The following SMYD4 variants were observed in gnomAD, a reference collection of about 807,000 sequenced individuals.
SMYD4 encodes protein-lysine N-methyltransferase SMYD4.
In SMYD4, 68 loss-of-function variants were observed where a neutral mutation model predicts 72.8. The ratio of observed to expected loss-of-function variants is 0.93; its 90% CI spans 0.77 to 1.14. The LOEUF is 1.14. Ranked by LOEUF, SMYD4 falls within the 50% of genes most tolerant of loss-of-function variation. SMYD4 has a pLI of 0.00. For missense variants in SMYD4, 984 were observed against 1,003.7 expected, an observed-to-expected ratio of 0.98 and a Z score of 0.27; for synonymous variants, 407 against 388.6, an observed-to-expected ratio of 1.05 and a Z score of -0.56.
rs1910347782 is a variant in SMYD4, at chr17:1,811,954, A to C, written c.279+17T>G. Reference sequence around the variant, plus strand: ...AGAAAAATAAATAATAAATTGCTTGAGCTGGGAGTGTTTTACCTTAGAGTA... The same window carrying C: ...AGAAAAATAAATAATAAATTGCTTGCGCTGGGAGTGTTTTACCTTAGAGTA... On this transcript the variant is annotated intron_variant, in intron 3 of 10. Coordinates refer to ENST00000305513, the MANE Select transcript of SMYD4 (RefSeq NM_052928.3). The C allele has an allele frequency of 6.2e-7, 1 of 1,608,280 alleles. No homozygotes were observed. The highest frequency in any genetic ancestry group is 8.5e-7 in the Non-Finnish European group (1 of 1,178,328).
chr17:1,796,051 C>T (rs1909390159), intron 5 of SMYD4, among the ~76,000 whole-genome samples: 3 of 152,070 alleles, frequency 2.0e-5, no homozygotes, highest in African/African-American at 7.2e-5. Flanking sequence ...TGTCTCCAAA[C>T]CACTTTCCAT....
rs760615309 is a variant in SMYD4, at chr17:1,812,078, CT to C, written c.171del (p.Gly58ValfsTer122). 2.9e-5 allele frequency: 46 copies of C among 1,613,878 alleles called. No homozygotes were observed. Among genetic ancestry groups the C allele is most frequent in the Non-Finnish European group, 3.7e-5 (44 of 1,180,016 alleles). On this transcript the variant is annotated frameshift_variant, in exon 3 of 11. Transcript: ENST00000305513. LOFTEE classifies it high-confidence loss of function. ...EDELFLKRLSKGYLVGKDSDA... is the reference protein window; with the variant it reads ...EDELFLKRLSXGYLVGKDSDA... ...TCCGAGTCCTTTCCCACCAAGTAAC[CT>C]TTAGAAAGTCTTTTTAGAAACAGCT...
chr17:1,816,543 C>T (rs112998377), intron 2 of SMYD4, among the ~76,000 whole-genome samples: 6,564 of 151,460 alleles, frequency 0.043, 504 homozygotes, highest in African/African-American at 0.15. Context: ...TCACTTGAAC[C>T]CAGGAGGCGG....
intron 2 of SMYD4, among the ~76,000 whole-genome samples, chr17:1,827,311 C>T (rs1911234394): frequency 6.6e-6 from 1 of 150,412 alleles, no homozygotes; most frequent in Non-Finnish European, 1.5e-5. Flanking sequence ...TGCACTCTAG[C>T]CTGGGTGACA....
At chr17:1,802,892 G>A (rs148658110) in intron 4 of SMYD4, among the ~76,000 whole-genome samples, 3,071 of 152,304 alleles carry the variant, frequency 0.02, 111 homozygotes, top group African/African-American at 0.069. Flanking sequence ...AGTGGCTCAC[G>A]CCTGTAATCC....
chr17:1,799,225 C>A (rs903988563), intron 5 of SMYD4, among the ~76,000 whole-genome samples: 2 of 151,182 alleles, frequency 1.3e-5, no homozygotes, highest in Non-Finnish European at 2.9e-5. Context: ...CGCCACTGCA[C>A]CCCAGCCTGG....
intron 2 of SMYD4, among the ~76,000 whole-genome samples, chr17:1,819,074 CG>C (rs1485687689): frequency 6.6e-6 from 1 of 151,604 alleles, no homozygotes; most frequent in Admixed American, 6.6e-5. Flanking sequence ...ATTAAGAATA[CG>C]GCTGGGTGTG....
In SMYD4 at chr17:1,799,934, A is replaced by C; in HGVS notation, c.1460T>G (p.Ile487Ser). 6.2e-7 allele frequency: 1 copy of C among 1,613,996 alleles called. No individual in the cohort carries two copies. The highest frequency in any genetic ancestry group is 1.3e-5 in the African/African-American group (1 of 75,026). Residue 487 changes from isoleucine (I) to serine (S), a missense_variant, in exon 5 of 11, where the codon ATT becomes AGT. Coordinates refer to ENST00000305513, the MANE Select transcript of SMYD4 (RefSeq NM_052928.3). Reference protein sequence around the residue: ...VTPELCPDVTIWGVAMLRHML... With the variant: ...VTPELCPDVTSWGVAMLRHML... The stretch of plus-strand genomic sequence containing the variant: ...GTGTCTCAGCATCGCCACTCCCCAA[A>C]TAGTCACGTCAGGACACAATTCAGG...
At chr17:1,796,963 C>T (rs1360171308) in intron 5 of SMYD4, among the ~76,000 whole-genome samples, 1 of 152,204 alleles carries the variant, frequency 6.6e-6, no homozygotes, top group African/African-American at 2.4e-5. Flanking sequence ...CAGAGGAAAA[C>T]ACAGGCTAAC....
In SMYD4 at chr17:1,811,498, G is replaced by A. The variant is rs148828660; in HGVS notation, c.279+473C>T. On this transcript the variant is annotated intron_variant, in intron 3 of 10. Transcript: ENST00000305513. The stretch of plus-strand genomic sequence containing the variant: ...GTGCTGGGCCTAAAAACTACCTTTT[G>A]TTTCAGACTATAACCACAGCAGAAT... Among the ~76,000 whole-genome samples the A allele has an allele frequency of 1.1e-4, 16 of 152,312 alleles. No homozygotes were observed. In the East Asian group the frequency reaches 3.1e-3, roughly 29 times the overall value.
At position 1,786,827 on chromosome 17, in the gene SMYD4, A is replaced by T. The variant is rs1186023199; in HGVS notation, c.1867T>A (p.Cys623Ser). The part of the protein sequence containing the change: ...PRWEAFCCNS[C>S]GAPMQGDDVL... ...AGAATTACCTGCATGGGCGCTCCGC[A>T]ACTGTTGCAACAGAATGCTTCCCAC... The change falls in exon 7 of 11, where the codon TGC (cysteine) becomes AGC (serine). Residue 623 changes from cysteine to serine, a missense_variant. Cys to Ser is a moderately radical substitution (Grantham distance 112). Transcript: ENST00000305513. The T allele has an allele frequency of 6.2e-7, 1 of 1,614,188 alleles. No homozygotes were observed. Among genetic ancestry groups the T allele is most frequent in the Non-Finnish European group, 8.5e-7 (1 of 1,180,038 alleles).
At chr17:1,797,650 G>A (rs1909475741) in intron 5 of SMYD4, among the ~76,000 whole-genome samples, 1 of 152,200 alleles carries the variant, frequency 6.6e-6, no homozygotes, top group African/African-American at 2.4e-5. Context: ...AAATTTAGAA[G>A]AATGGGAAAT....
intron 5 of SMYD4, 151 bp downstream of exon 5, chr17:1,799,706 A>T: frequency 1.3e-6 from 1 of 777,490 alleles, no homozygotes; most frequent in Non-Finnish European, 2.0e-6. Flanking sequence ...ATAGCTTCTT[A>T]ATGGCATTGT....
chr17:1,825,715 T>C (rs1040189654), intron 2 of SMYD4, among the ~76,000 whole-genome samples: 2 of 151,950 alleles, frequency 1.3e-5, no homozygotes, highest in African/African-American at 2.4e-5. Context: ...AATCTCACTA[T>C]GTTGCCCAGG....
Position 1,787,301 on chromosome 17 carries a change from T to G in SMYD4, c.1720+121A>C, listed in dbSNP as rs185012117. 2.5e-3 allele frequency: 3,331 copies of G among 1,319,478 alleles called. 60 individuals carry two copies. The Admixed American group carries it at 0.04, about 16-fold the overall frequency. The allele number at this position is 1,319,478 out of a possible 1,614,324, so 81.7% of individuals were successfully genotyped here. On this transcript the variant is annotated intron_variant, in intron 6 of 10. Coordinates refer to ENST00000305513, the MANE Select transcript of SMYD4 (RefSeq NM_052928.3). ...CCTTGTTTTTGGCCTAAGTGTTCAC[T>G]GCCTCTTCCAGGAAGCAGACAGTAG... is the stretch of plus-strand genomic sequence containing the variant.
At chr17:1,804,445 G>A (rs1909931101) in intron 4 of SMYD4, 181 bp downstream of exon 4, 3 of 509,644 alleles carry the variant, frequency 5.9e-6, no homozygotes, top group African/African-American at 5.8e-5. Context: ...CCAAAGTGCT[G>A]AGATTACAGG....
intron 2 of SMYD4, 128 bp from the exon 3 acceptor site, chr17:1,812,243 G>T: frequency 9.3e-7 from 1 of 1,079,324 alleles, no homozygotes; most frequent in Non-Finnish European, 1.3e-6. Flanking sequence ...TATGTACATT[G>T]TGCAATGTGA....
intron 7 of SMYD4, among the ~76,000 whole-genome samples, chr17:1,785,294 C>T (rs908755730): frequency 4.7e-5 from 7 of 149,514 alleles, no homozygotes; most frequent in African/African-American, 1.7e-4. Context: ...ATGGTGGTGG[C>T]GGGCGCCTGT....
chr17:1,800,124 C>A lies in SMYD4; in HGVS notation c.1270G>T (p.Ala424Ser), dbSNP rs753518464. 1.7e-5 allele frequency: 27 copies of A among 1,610,806 alleles called. No individual in the cohort carries two copies. The highest frequency in any genetic ancestry group is 5.1e-6 in the Non-Finnish European group (6 of 1,178,392). Residue 424 changes from alanine to serine, a missense_variant, in exon 5 of 11, where the codon GCT becomes TCT. Physicochemically the swap from Ala to Ser is moderately conservative, Grantham distance 99 (BLOSUM62 1). Coordinates refer to ENST00000305513, the MANE Select transcript of SMYD4 (RefSeq NM_052928.3). ...INGKYENNYNAVFNLLPHTEN... is the reference protein window; with the variant it reads ...INGKYENNYNSVFNLLPHTEN... ...GTGTGGGGCAAAAGGTTGAAGACAGCATTATAATTATTTTCATACTTCCCA... is the reference window on the plus strand; with the variant it reads ...GTGTGGGGCAAAAGGTTGAAGACAGAATTATAATTATTTTCATACTTCCCA...
Sources: gnomAD v4.1 joint callset for allele counts (sites outside exome capture counted in the v4.1 genomes callset) on GRCh38, gnomAD v4.1.1 for gene constraint, MANE v1.5 for transcripts, NCBI Gene and HGNC (gene_info 2026-07-23, HGNC 2026-07-21) for gene names.